The following OPA1 variants were observed in gnomAD, a reference collection of about 807,000 sequenced individuals.
The protein encoded by OPA1 is dynamin-like GTPase OPA1, mitochondrial.
A neutral mutation model predicts 152.9 loss-of-function variants in OPA1; 59 were observed. That is an observed-to-expected ratio of 0.39 (90% CI 0.31 to 0.48). The LOEUF (loss-of-function observed/expected upper bound fraction) is 0.48. Among genes scored for constraint, OPA1 ranks in the 20% least tolerant of loss-of-function variants. The probability of loss-of-function intolerance (pLI) is 0.96; values close to 1 mark genes in which losing one functional copy is unlikely to be tolerated. For missense variants in OPA1, 1,008 were observed against 1,216.8 expected, an observed-to-expected ratio of 0.83 and a Z score of 2.55; for synonymous variants, 400 against 389.9, an observed-to-expected ratio of 1.03 and a Z score of -0.31.
chr3:193,626,710 A>T (rs1204560484), intron 7 of OPA1, among the ~76,000 whole-genome samples: 1 of 152,238 alleles, frequency 6.6e-6, no homozygotes, highest in Non-Finnish European at 1.5e-5. Flanking sequence ...TGTAGTTCTT[A>T]TACACTTTGA....
intron 9 of OPA1, 87 bp from the exon 10 acceptor site, chr3:193,637,108 T>C: frequency 1.5e-6 from 1 of 688,060 alleles, no homozygotes; most frequent in Non-Finnish European, 2.5e-6. Flanking sequence ...ACAATTTGAA[T>C]TTATCACTTT....
intron 6 of OPA1, among the ~76,000 whole-genome samples, chr3:193,623,368 T>G (rs1346277135): frequency 6.6e-6 from 1 of 152,174 alleles, no homozygotes; most frequent in Non-Finnish European, 1.5e-5. Context: ...CCAAACTCAT[T>G]AACTTTTAGG....
intron 1 of OPA1, among the ~76,000 whole-genome samples, chr3:193,608,879 G>A (rs182047722): frequency 1.2e-4 from 18 of 152,172 alleles, no homozygotes; most frequent in Admixed American, 1.0e-3. Context: ...TTATGAATCT[G>A]GGTGCTCCTG....
chr3:193,692,157 T>A, intron 30 of OPA1, 25 bp downstream of exon 30: 1 of 1,206,330 alleles, frequency 8.3e-7, no homozygotes. Flanking sequence ...TCTAACTGTA[T>A]TGGTGCTGAC....
At chr3:193,613,058 C>G (rs1728500585) in intron 1 of OPA1, among the ~76,000 whole-genome samples, 1 of 152,206 alleles carries the variant, frequency 6.6e-6, no homozygotes, top group Admixed American at 6.5e-5. Context: ...GACACCAGAT[C>G]TGTTAAAAGA....
chr3:193,633,532 T>C (rs370778901), intron 8 of OPA1, among the ~76,000 whole-genome samples: 44 of 152,348 alleles, frequency 2.9e-4, no homozygotes, highest in African/African-American at 9.9e-4. Flanking sequence ...TGTCAGTCAC[T>C]AGGCACTGAT....
chr3:193,615,174 T>C (rs1728827474), intron 2 of OPA1, 133 bp downstream of exon 2: 2 of 757,506 alleles, frequency 2.6e-6, no homozygotes, highest in East Asian at 5.3e-5. Flanking sequence ...ATGGACTAGA[T>C]TGTTTTAATG....
intron 29 of OPA1, among the ~76,000 whole-genome samples, chr3:193,679,071 A>G (rs1250200148): frequency 2.0e-5 from 3 of 152,112 alleles, no homozygotes; most frequent in South Asian, 4.1e-4. Flanking sequence ...ATAAGTGGGA[A>G]TTGAACATTG....
At chr3:193,652,997 A>T (rs142663251) in intron 21 of OPA1, among the ~76,000 whole-genome samples, 5 of 152,244 alleles carry the variant, frequency 3.3e-5, no homozygotes, top group Non-Finnish European at 7.4e-5. Flanking sequence ...CTGAAGCAGG[A>T]TGAGAAAAAA....
At chr3:193,644,826 G>T (rs1426809854) in intron 16 of OPA1, among the ~76,000 whole-genome samples, 2 of 152,096 alleles carry the variant, frequency 1.3e-5, no homozygotes, top group African/African-American at 4.8e-5. Flanking sequence ...TGCAACTGAA[G>T]CTTATTTCAG....
rs113782523 is a variant in OPA1 at position 193,631,720 on chromosome 3, A to C, written c.843+55A>C. On this transcript the variant is annotated intron_variant, in intron 8 of 30. Transcript: ENST00000361510. ...ACTTTTAAAAATTATATTCGAATGT[A>C]ACTTTGGTGATATGGACATTTATTT... 1.5e-5 allele frequency: 21 copies of C among 1,444,364 alleles called. 1 individual carries two copies. The African/African-American group carries it at 2.2e-4, about 15-fold the overall frequency. The allele number at this position is 1,444,364 out of a possible 1,614,324, so 89.5% of individuals were successfully genotyped here. A position where few individuals can be genotyped will look rare whatever the true frequency, so the allele number is the denominator to read the frequency against.
At position 193,629,427 on chromosome 3, in the gene OPA1, G is replaced by A. The variant is rs146377745; in HGVS notation, c.790-2185G>A. 7.9e-5 allele frequency among the ~76,000 whole-genome samples: 12 copies of A among 151,912 alleles called. No homozygotes were observed. The East Asian group carries it at 1.9e-3, about 25-fold the overall frequency. ...TAAATTATATTTGTAGGCGGGGCAC[G>A]GTGGCTCACGCCTGTAATCCCAGCA... is the stretch of plus-strand genomic sequence containing the variant. On this transcript the variant is annotated intron_variant, in intron 7 of 30. Transcript: ENST00000361510.
chr3:193,659,871 C>T (rs1714804968), intron 25 of OPA1, among the ~76,000 whole-genome samples: 1 of 152,048 alleles, frequency 6.6e-6, no homozygotes. Context: ...ACAGGCCAGG[C>T]ACGGTGTCTC....
chr3:193,685,258 C>T (rs548337362), intron 29 of OPA1, among the ~76,000 whole-genome samples: 1 of 151,588 alleles, frequency 6.6e-6, no homozygotes, highest in East Asian at 1.9e-4. Flanking sequence ...GCCGAGATTG[C>T]GCCACTGCAC....
intron 11 of OPA1, 53 bp downstream of exon 11, chr3:193,638,118 T>A: frequency 8.3e-7 from 1 of 1,207,352 alleles, no homozygotes; most frequent in South Asian, 1.2e-5. Context: ...ACTGCTTCAG[T>A]GAGACCTGTT....
chr3:193,641,252 G>T (rs1419891444), intron 11 of OPA1, among the ~76,000 whole-genome samples: 4 of 152,132 alleles, frequency 2.6e-5, no homozygotes, highest in Non-Finnish European at 5.9e-5. Flanking sequence ...AACAGATGAG[G>T]CTGGTCTCTT....
intron 1 of OPA1, among the ~76,000 whole-genome samples, chr3:193,604,500 C>T (rs1237094633): frequency 1.3e-5 from 2 of 152,162 alleles, no homozygotes; most frequent in Non-Finnish European, 2.9e-5. Context: ...GTTTTATCCT[C>T]TCAGGTAAGA....
intron 20 of OPA1, 33 bp downstream of exon 20, chr3:193,648,167 A>T (rs772759894): frequency 6.7e-7 from 1 of 1,485,878 alleles, no homozygotes; most frequent in Middle Eastern, 1.7e-4. Flanking sequence ...TTTTGTATAT[A>T]TCTTAATTTA....
chr3:193,678,911 A>G (rs953375877), intron 29 of OPA1, among the ~76,000 whole-genome samples: 1 of 152,158 alleles, frequency 6.6e-6, no homozygotes, highest in South Asian at 2.1e-4. Flanking sequence ...CTCTATTACA[A>G]AGGTTAGCTC....
Sources: allele counts gnomAD v4.1 joint callset (sites outside exome capture counted in the v4.1 genomes callset), GRCh38; gene constraint gnomAD v4.1.1; transcripts MANE v1.5; gene names NCBI Gene and HGNC (gene_info 2026-07-23, HGNC 2026-07-21).